CAMK4: variants seen among roughly 807,000 people sequenced by gnomAD.
CAMK4 encodes calcium/calmodulin dependent protein kinase IV.
In CAMK4, 22 loss-of-function variants were observed where a neutral mutation model predicts 44.9. The ratio of observed to expected loss-of-function variants is 0.49; its 90% confidence interval spans 0.35 to 0.70. The LOEUF is 0.70. Among genes scored for constraint, CAMK4 ranks in the 30% least tolerant of loss-of-function variants. The pLI, the probability that CAMK4 is intolerant of heterozygous loss-of-function variation, is 0.01. For synonymous variants in CAMK4, 218 were observed against 215.4 expected, an observed-to-expected ratio of 1.01 and a Z score of -0.11; for missense variants, 498 against 586.8, an observed-to-expected ratio of 0.85 and a Z score of 1.56.
At chr5:111,438,105 G>A (rs558014742) in intron 5 of CAMK4, among the ~76,000 whole-genome samples, 5 of 152,150 alleles carry the variant, frequency 3.3e-5, no homozygotes, top group Non-Finnish European at 5.9e-5. Context: ...GTCAATTTTT[G>A]ACTTGAACAC....
intron 5 of CAMK4, among the ~76,000 whole-genome samples, chr5:111,424,272 C>T (rs1753134866): frequency 6.6e-6 from 1 of 152,148 alleles, no homozygotes; most frequent in African/African-American, 2.4e-5. Flanking sequence ...GTGCATTGCA[C>T]CAGGTGTGCC....
intron 1 of CAMK4, among the ~76,000 whole-genome samples, chr5:111,341,029 CT>C (rs1384100971): frequency 2.0e-5 from 3 of 150,788 alleles, no homozygotes; most frequent in Non-Finnish European, 4.5e-5. Context: ...TCTTAAGACC[CT>C]TTACATTTCT....
intron 5 of CAMK4, among the ~76,000 whole-genome samples, chr5:111,433,170 T>C (rs1224754755): frequency 6.6e-6 from 1 of 152,226 alleles, no homozygotes; most frequent in Admixed American, 6.5e-5. Flanking sequence ...AACCACTGTC[T>C]TATATTCATA....
In CAMK4 at chr5:111,493,197, A is replaced by T. The variant is rs138323892; in HGVS notation, c.*8731A>T. The T allele has an allele frequency of 1.3e-5, 2 of 152,316 alleles. No individual in the cohort carries two copies. Among genetic ancestry groups the T allele is most frequent in the African/African-American group, 4.8e-5 (2 of 41,574 alleles). 9.4% of individuals were successfully genotyped at this position (152,316 alleles called of 1,614,324 possible). On this transcript the variant is annotated 3_prime_UTR_variant, in exon 11 of 11. Coordinates refer to ENST00000282356, the MANE Select transcript of CAMK4 (RefSeq NM_001744.6). This position sits in a 1 kb window ranked among gnomAD's most constrained non-coding sequence, Gnocchi z 4.1. ...TGTGCAGCCTTTCCTCAGAGCATCT[A>T]GCCTGACATACTTGGCTCATCTGCT...
At chr5:111,473,706 C>T (rs1350602155) in intron 8 of CAMK4, among the ~76,000 whole-genome samples, 1 of 152,132 alleles carries the variant, frequency 6.6e-6, no homozygotes, top group Admixed American at 6.5e-5. Context: ...TAAACTTGCT[C>T]TTGTTTTACT....
At chr5:111,425,910 CTA>C (rs1483004866) in intron 5 of CAMK4, among the ~76,000 whole-genome samples, 1 of 152,164 alleles carries the variant, frequency 6.6e-6, no homozygotes, top group African/African-American at 2.4e-5. Context: ...TTTTTTTAAA[CTA>C]TGTCATTTAA....
chr5:111,414,039 T>A (rs893066451), intron 5 of CAMK4, among the ~76,000 whole-genome samples: 1 of 152,164 alleles, frequency 6.6e-6, no homozygotes, highest in Admixed American at 6.5e-5. Context: ...ATCAAAACTT[T>A]TAGAATTCTG....
intron 8 of CAMK4, among the ~76,000 whole-genome samples, chr5:111,477,578 A>C (rs1483617623): frequency 6.6e-6 from 1 of 151,714 alleles, no homozygotes; most frequent in Non-Finnish European, 1.5e-5. Flanking sequence ...GTCACAAACA[A>C]CTCGCTTTTC....
intron 5 of CAMK4, among the ~76,000 whole-genome samples, chr5:111,418,076 G>A (rs759257299): frequency 6.6e-6 from 1 of 152,002 alleles, no homozygotes; most frequent in Non-Finnish European, 1.5e-5. Flanking sequence ...TGGGGAATCT[G>A]CCCCCATATT....
intron 1 of CAMK4, among the ~76,000 whole-genome samples, chr5:111,252,452 A>C (rs957781346): frequency 2.0e-5 from 3 of 152,208 alleles, no homozygotes; most frequent in African/African-American, 4.8e-5. Flanking sequence ...ATTTTCTTAC[A>C]TATTTTCTAT....
In CAMK4 at chr5:111,489,878, A is replaced by G. The variant is rs1185633694; in HGVS notation, c.*5412A>G. The G allele has an allele frequency of 6.6e-6, 1 of 152,208 alleles. No homozygotes were observed. The highest frequency in any genetic ancestry group is 1.5e-5 in the Non-Finnish European group (1 of 68,046). 9.4% of individuals were successfully genotyped at this position (152,208 alleles called of 1,614,324 possible). On this transcript the variant is annotated 3_prime_UTR_variant, in exon 11 of 11. Transcript: ENST00000282356. ...CAGATCAGTGTTTTGTTCCATCCCT[A>G]TGGTCATCTCTAAAGCCCTGACAGG...
At chr5:111,435,049 T>C (rs1367884061) in intron 5 of CAMK4, among the ~76,000 whole-genome samples, 1 of 152,180 alleles carries the variant, frequency 6.6e-6, no homozygotes, top group Non-Finnish European at 1.5e-5. Flanking sequence ...TGTTAGACCG[T>C]AGAGAGAGTT....
intron 6 of CAMK4, 55 bp downstream of exon 6, chr5:111,446,831 T>C: frequency 1.9e-6 from 2 of 1,048,648 alleles, no homozygotes; most frequent in Non-Finnish European, 3.0e-6. Context: ...GAAAAAATTT[T>C]ACTGTGTGGA....
chr5:111,385,796 C>T (rs1249311831), intron 4 of CAMK4, among the ~76,000 whole-genome samples: 4 of 152,206 alleles, frequency 2.6e-5, no homozygotes, highest in East Asian at 1.9e-4. Flanking sequence ...AGGATACTCT[C>T]GATCTCCTGA....
chr5:111,484,185 G>T lies in CAMK4; in HGVS notation c.1141G>T (p.Asp381Tyr). The T allele has an allele frequency of 1.2e-6, 2 of 1,614,140 alleles. No homozygotes were observed. The highest frequency in any genetic ancestry group is 1.7e-6 in the Non-Finnish European group (2 of 1,180,012). ...AIPEGEKIQG[D>Y]GAQAAVKGAQ... ...TCCAGAAGGAGAGAAAATTCAAGGCGATGGGGCCCAAGCCGCAGTTAAGGG... is the reference window on the plus strand; with the variant it reads ...TCCAGAAGGAGAGAAAATTCAAGGCTATGGGGCCCAAGCCGCAGTTAAGGG... The change falls in exon 11 of 11, where the codon GAT becomes TAT. Residue 381 changes from aspartate (D) to tyrosine (Y), a missense_variant. By Grantham distance (160) the Asp-to-Tyr change is radical. Transcript: ENST00000282356. The surrounding 1 kb of genome is among the most constrained non-coding windows in gnomAD (Gnocchi z 5.3).
intron 5 of CAMK4, among the ~76,000 whole-genome samples, chr5:111,408,528 T>C (rs1298482353): frequency 2.0e-5 from 3 of 152,160 alleles, no homozygotes; most frequent in Non-Finnish European, 4.4e-5. Context: ...CAAGGTGAGA[T>C]TTGGGTGGGG....
At chr5:111,233,187 C>A (rs1458404253) in intron 1 of CAMK4, among the ~76,000 whole-genome samples, 1 of 152,170 alleles carries the variant, frequency 6.6e-6, no homozygotes, top group Non-Finnish European at 1.5e-5. Flanking sequence ...CTGCTCCTCC[C>A]CAGTTGCATG....
chr5:111,417,020 TA>T (rs1752839261), intron 5 of CAMK4, among the ~76,000 whole-genome samples: 1 of 152,210 alleles, frequency 6.6e-6, no homozygotes, highest in Admixed American at 6.5e-5. Flanking sequence ...TTTTGGTAAA[TA>T]AATATTGGAT....
Position 111,461,964 on chromosome 5 carries a change from T to C in CAMK4, c.626-11347T>C, listed in dbSNP as rs993639616. ...AAAACAGAAAGAGTGGAAAGAATTT[T>C]GAAACAAACAAGACCCCTGACCTAC... On this transcript the variant is annotated intron_variant, in intron 7 of 10. Coordinates refer to ENST00000282356, the MANE Select transcript of CAMK4 (RefSeq NM_001744.6). Among the ~76,000 whole-genome samples, 6 of 152,142 alleles carry C rather than the reference T, an allele frequency of 3.9e-5. No homozygotes were observed. The East Asian group carries it at 1.2e-3, about 29-fold the overall frequency.
Sources: gnomAD v4.1 joint callset for allele counts (sites outside exome capture counted in the v4.1 genomes callset) on GRCh38, gnomAD v4.1.1 for gene constraint, Gnocchi (gnomAD v3.1) non-coding constraint, MANE v1.5 for transcripts, NCBI Gene and HGNC (gene_info 2026-07-23, HGNC 2026-07-21) for gene names.